Variants in LIPI observed in about 807,000 individuals in gnomAD.
LIPI encodes lipase I, also known as lipase member I.
A neutral mutation model predicts 50.6 loss-of-function variants in LIPI; 59 were observed. That is an observed-to-expected ratio of 1.16 (90% confidence interval 0.94 to 1.45). The LOEUF is 1.45. Among genes scored for constraint, LIPI ranks in the 40% most tolerant of loss-of-function variants. LIPI has a pLI of 0.00. For missense variants in LIPI, 586 were observed against 536.3 expected, an observed-to-expected ratio of 1.09 and a Z score of -0.92; for synonymous variants, 203 against 178.2, an observed-to-expected ratio of 1.14 and a Z score of -1.11.
intron 9 of LIPI, among the ~76,000 whole-genome samples, chr21:14,140,061 G>T (rs937712240): frequency 6.6e-6 from 1 of 152,104 alleles, no homozygotes; most frequent in Admixed American, 6.6e-5. Flanking sequence ...TTGAGCAGAG[G>T]TGTGACATAA....
rs1475697803 is a variant in LIPI, at chr21:14,160,838, A to G, written c.1006+2581T>C. 2.6e-5 allele frequency among the ~76,000 whole-genome samples: 4 copies of G among 151,580 alleles called. No individual in the cohort carries two copies. In the East Asian group the frequency reaches 7.7e-4, roughly 29 times the overall value. Reference sequence around the variant, plus strand: ...ATTGAAAAATATCCAAAAGACACGAATACACATTTCACCAAAGGTGATAAG... The same window carrying G: ...ATTGAAAAATATCCAAAAGACACGAGTACACATTTCACCAAAGGTGATAAG... On this transcript the variant is annotated intron_variant, in intron 7 of 9. Coordinates refer to ENST00000681601, the MANE Select transcript of LIPI (RefSeq NM_001302998.2).
At chr21:14,142,869 T>C (rs2017764386) in intron 9 of LIPI, among the ~76,000 whole-genome samples, 1 of 152,130 alleles carries the variant, frequency 6.6e-6, no homozygotes, top group Admixed American at 6.6e-5. Context: ...TATTTTAATA[T>C]CTATCAACTC....
At chr21:14,169,022 A>G (rs113369544) in intron 4 of LIPI, among the ~76,000 whole-genome samples, 2 of 152,032 alleles carry the variant, frequency 1.3e-5, no homozygotes, top group African/African-American at 4.8e-5. Context: ...AGGAAGATCT[A>G]CCAAGCAAAT....
intron 9 of LIPI, among the ~76,000 whole-genome samples, chr21:14,118,267 T>C (rs993226295): frequency 6.6e-6 from 1 of 152,012 alleles, no homozygotes; most frequent in Non-Finnish European, 1.5e-5. Context: ...ATGGTCTCAA[T>C]TGTAGTAGGG....
At chr21:14,140,799 T>C (rs1307035476) in intron 9 of LIPI, among the ~76,000 whole-genome samples, 1 of 152,150 alleles carries the variant, frequency 6.6e-6, no homozygotes, top group East Asian at 1.9e-4. Flanking sequence ...TTTATTGTTG[T>C]TTTGGAATAT....
At chr21:14,191,250 G>T (rs1049721533) in intron 1 of LIPI, among the ~76,000 whole-genome samples, 1 of 150,540 alleles carries the variant, frequency 6.6e-6, no homozygotes, top group Non-Finnish European at 1.5e-5. Flanking sequence ...AGTGGCGGGC[G>T]CCTGTAGTCC....
intron 8 of LIPI, among the ~76,000 whole-genome samples, chr21:14,147,626 G>C (rs1379678380): frequency 1.3e-5 from 2 of 152,094 alleles, no homozygotes; most frequent in Admixed American, 6.5e-5. Context: ...ACAGATCCGG[G>C]TCTATAGAAG....
intron 4 of LIPI, among the ~76,000 whole-genome samples, chr21:14,172,113 A>G (rs1351988532): frequency 1.3e-5 from 2 of 152,200 alleles, no homozygotes; most frequent in African/African-American, 4.8e-5. Context: ...AACACATGAA[A>G]AAATGCTCAC....
In LIPI at chr21:14,114,624, C is replaced by T. The variant is rs1050009796; in HGVS notation, c.1296-5544G>A. On this transcript the variant is annotated intron_variant, in intron 9 of 9. Coordinates refer to ENST00000681601, the MANE Select transcript of LIPI (RefSeq NM_001302998.2). The stretch of plus-strand genomic sequence containing the variant: ...TTCAACATGTAGGGAAGAGCCATGA[C>T]CACTGCCCGATAAATCAAAGAGGAA... Among the ~76,000 whole-genome samples the T allele has an allele frequency of 2.6e-5, 4 of 152,132 alleles. No homozygotes were observed. The East Asian group carries it at 7.7e-4, about 29-fold the overall frequency.
At chr21:14,151,330 C>T (rs1433698255) in intron 8 of LIPI, among the ~76,000 whole-genome samples, 2 of 152,170 alleles carry the variant, frequency 1.3e-5, no homozygotes, top group Non-Finnish European at 2.9e-5. Flanking sequence ...TCTCCTGGCT[C>T]ACAGAGTTTA....
At chr21:14,172,407 A>G (rs1364089206) in intron 4 of LIPI, among the ~76,000 whole-genome samples, 1 of 152,236 alleles carries the variant, frequency 6.6e-6, no homozygotes, top group Non-Finnish European at 1.5e-5. Context: ...GCTTAAAGAC[A>G]CATGCACACG....
chr21:14,163,376 A>G (rs747839159), intron 7 of LIPI, 43 bp downstream of exon 7: 3 of 977,134 alleles, frequency 3.1e-6, no homozygotes, highest in Non-Finnish European at 5.0e-6. Flanking sequence ...AGTGCAAAAA[A>G]AACTAAAAAT....
intron 9 of LIPI, among the ~76,000 whole-genome samples, chr21:14,110,621 C>T (rs1476096457): frequency 6.6e-6 from 1 of 151,796 alleles, no homozygotes; most frequent in African/African-American, 2.4e-5. Flanking sequence ...CCAACATCTC[C>T]TTAACACCTT....
chr21:14,168,147 G>A (rs2018760282), intron 4 of LIPI, among the ~76,000 whole-genome samples: 1 of 152,142 alleles, frequency 6.6e-6, no homozygotes, highest in Non-Finnish European at 1.5e-5. Flanking sequence ...AATGAAGCAA[G>A]AAGGGAAGTT....
intron 9 of LIPI, among the ~76,000 whole-genome samples, chr21:14,134,557 G>A (rs551459783): frequency 6.6e-6 from 1 of 152,280 alleles, no homozygotes; most frequent in African/African-American, 2.4e-5. Flanking sequence ...CAAGGCTAGA[G>A]TAGCCAAAAC....
At chr21:14,172,543 A>G (rs1401899674) in intron 4 of LIPI, among the ~76,000 whole-genome samples, 1 of 151,978 alleles carries the variant, frequency 6.6e-6, no homozygotes, top group Non-Finnish European at 1.5e-5. Flanking sequence ...GCCATAAAAA[A>G]TGATGAGTTC....
chr21:14,181,922 T>G, intron 3 of LIPI, 63 bp from the exon 4 acceptor site: 1 of 835,758 alleles, frequency 1.2e-6, no homozygotes, highest in East Asian at 2.5e-5. Context: ...CATTGCATAC[T>G]TCCATTATTA....
At chr21:14,166,718 TAGAG>T (rs1191254413) in intron 4 of LIPI, among the ~76,000 whole-genome samples, 1 of 151,946 alleles carries the variant, frequency 6.6e-6, no homozygotes, top group East Asian at 1.9e-4. Flanking sequence ...AAAAAAGAAA[TAGAG>T]AGGGCAGCCA....
chr21:14,188,079 G>A (rs2019518650), intron 2 of LIPI, among the ~76,000 whole-genome samples: 1 of 152,116 alleles, frequency 6.6e-6, no homozygotes, highest in Non-Finnish European at 1.5e-5. Context: ...CCCCGAATCA[G>A]ATATCACCCT....
Sources: gnomAD v4.1 joint callset for allele counts (sites outside exome capture counted in the v4.1 genomes callset) on GRCh38, gnomAD v4.1.1 for gene constraint, MANE v1.5 for transcripts, NCBI Gene and HGNC (gene_info 2026-07-23, HGNC 2026-07-21) for gene names.